Variants in CNTN5 observed in about 807,000 individuals in gnomAD.
The protein encoded by CNTN5 is contactin 5, also known as contactin-5.
CNTN5 carries 77 observed loss-of-function variants against 129.1 expected under a neutral mutation model. That is an observed-to-expected ratio of 0.60 (90% CI 0.50 to 0.72). The LOEUF (loss-of-function observed/expected upper bound fraction) is 0.72. CNTN5 is among the 30% of genes least tolerant of loss of function. The probability of loss-of-function intolerance (pLI) is 0.00; values close to 1 mark genes in which losing one functional copy is unlikely to be tolerated. For missense variants in CNTN5, 1,478 were observed against 1,328.8 expected, an observed-to-expected ratio of 1.11 and a Z score of -1.75; for synonymous variants, 509 against 465.6, an observed-to-expected ratio of 1.09 and a Z score of -1.20.
chr11:99,314,714 A>G (rs945779343), intron 1 of CNTN5, among the ~76,000 whole-genome samples: 2 of 151,592 alleles, frequency 1.3e-5, no homozygotes, highest in African/African-American at 4.8e-5. Flanking sequence ...GAAAGGAGAA[A>G]GGGAGAGGGG....
intron 1 of CNTN5, among the ~76,000 whole-genome samples, chr11:99,097,947 A>G (rs747454630): frequency 6.6e-6 from 1 of 151,964 alleles, no homozygotes; most frequent in Non-Finnish European, 1.5e-5. Flanking sequence ...ACTAAAAACA[A>G]TTAGGTGGGA....
At chr11:99,340,926 C>G (rs956224076) in intron 2 of CNTN5, among the ~76,000 whole-genome samples, 1 of 152,060 alleles carries the variant, frequency 6.6e-6, no homozygotes, top group African/African-American at 2.4e-5. Context: ...TTTGGGTAAA[C>G]TTTTCTGCTT....
chr11:100,319,333 A>C (rs1470811698), intron 21 of CNTN5, among the ~76,000 whole-genome samples: 1 of 151,528 alleles, frequency 6.6e-6, no homozygotes, highest in Non-Finnish European at 1.5e-5. Flanking sequence ...TTGTATTTTT[A>C]GTAGGGATCG....
intron 1 of CNTN5, among the ~76,000 whole-genome samples, chr11:99,160,282 G>T (rs1361937239): frequency 6.6e-6 from 1 of 152,166 alleles, no homozygotes; most frequent in Non-Finnish European, 1.5e-5. Context: ...CATTGCTTAT[G>T]TTATGACAAC....
intron 2 of CNTN5, among the ~76,000 whole-genome samples, chr11:99,482,886 G>A (rs117640995): frequency 0.019 from 2,878 of 151,602 alleles, 40 homozygotes; most frequent in Middle Eastern, 0.061. Flanking sequence ...AAAAAAACAC[G>A]TATGCTAAAC....
intron 3 of CNTN5, among the ~76,000 whole-genome samples, chr11:99,738,746 G>T (rs1436687434): frequency 2.0e-5 from 3 of 151,954 alleles, no homozygotes; most frequent in Non-Finnish European, 4.4e-5. Context: ...AGGACCTGGG[G>T]CTTGAAATTC....
At chr11:99,400,227 C>A (rs1397947042) in intron 2 of CNTN5, among the ~76,000 whole-genome samples, 1 of 151,940 alleles carries the variant, frequency 6.6e-6, no homozygotes, top group Non-Finnish European at 1.5e-5. Flanking sequence ...TCCAAGGGTT[C>A]AATAGTTTTG....
intron 6 of CNTN5, among the ~76,000 whole-genome samples, chr11:99,878,624 C>T (rs192938840): frequency 1.8e-3 from 278 of 152,220 alleles, no homozygotes; most frequent in Non-Finnish European, 3.2e-3. Context: ...TTCAGAGGCC[C>T]AGGCAGGCGG....
intron 3 of CNTN5, among the ~76,000 whole-genome samples, chr11:99,806,005 C>T (rs1946257342): frequency 6.6e-6 from 1 of 152,194 alleles, no homozygotes; most frequent in Admixed American, 6.5e-5. Flanking sequence ...TAGTAATACA[C>T]ATTTTCAAGC....
At chr11:99,422,032 C>T (rs954003818) in intron 2 of CNTN5, among the ~76,000 whole-genome samples, 2 of 152,148 alleles carry the variant, frequency 1.3e-5, no homozygotes, top group African/African-American at 4.8e-5. Flanking sequence ...ACCTTCTACC[C>T]TCACTAGGTA....
chr11:99,285,722 T>C (rs1863908273), intron 1 of CNTN5, among the ~76,000 whole-genome samples: 2 of 151,872 alleles, frequency 1.3e-5, no homozygotes, highest in African/African-American at 4.8e-5. Flanking sequence ...GAGGAGTTCA[T>C]AGTAATGAAA....
At chr11:99,144,409 A>G (rs1242921610) in intron 1 of CNTN5, among the ~76,000 whole-genome samples, 2 of 152,228 alleles carry the variant, frequency 1.3e-5, no homozygotes, top group African/African-American at 4.8e-5. Context: ...GTCCAGAAAA[A>G]GGATATTTCA....
intron 3 of CNTN5, among the ~76,000 whole-genome samples, chr11:99,673,779 T>A (rs1591459077): frequency 6.6e-6 from 1 of 151,698 alleles, no homozygotes; most frequent in Non-Finnish European, 1.5e-5. Context: ...AAAAAAAAGA[T>A]CTCATCCTTT....
intron 1 of CNTN5, among the ~76,000 whole-genome samples, chr11:99,220,558 C>T (rs737237): frequency 0.73 from 110,333 of 151,188 alleles, 40,578 homozygotes; most frequent in East Asian, 0.99. Flanking sequence ...TCAAAAATCA[C>T]GATTTTCCAT....
At chr11:100,340,353 T>G (rs1952131100) in intron 21 of CNTN5, 110 bp from the exon 22 acceptor site, 2 of 720,190 alleles carry the variant, frequency 2.8e-6, no homozygotes, top group Admixed American at 2.9e-5. Flanking sequence ...AGGAGTGATT[T>G]CTTCCTATGG....
At chr11:99,940,360 G>C (rs1016020603) in intron 7 of CNTN5, among the ~76,000 whole-genome samples, 2 of 152,024 alleles carry the variant, frequency 1.3e-5, no homozygotes, top group African/African-American at 4.8e-5. Context: ...GAAATAAAGA[G>C]ACAATAAACT....
intron 3 of CNTN5, among the ~76,000 whole-genome samples, chr11:99,567,490 T>C (rs527412321): frequency 6.6e-6 from 1 of 152,296 alleles, no homozygotes; most frequent in East Asian, 1.9e-4. Flanking sequence ...GTGTCTGTCA[T>C]TGATAAGCTT....
chr11:99,374,134 A>G (rs1165315488), intron 2 of CNTN5, among the ~76,000 whole-genome samples: 1 of 152,236 alleles, frequency 6.6e-6, no homozygotes, highest in Non-Finnish European at 1.5e-5. Flanking sequence ...TAATGACACA[A>G]TTGAATTTAA....
At chr11:100,007,606 C>G (rs1351680688) in intron 9 of CNTN5, among the ~76,000 whole-genome samples, 1 of 152,076 alleles carries the variant, frequency 6.6e-6, no homozygotes, top group African/African-American at 2.4e-5. Context: ...CCTCTGTCAG[C>G]CTTCATAGAA....
Sources: allele counts gnomAD v4.1 joint callset (sites outside exome capture counted in the v4.1 genomes callset), GRCh38; gene constraint gnomAD v4.1.1; transcripts MANE v1.5; gene names NCBI Gene and HGNC (gene_info 2026-07-23, HGNC 2026-07-21).